STRADA: variants seen among roughly 807,000 people sequenced by gnomAD.
STRADA encodes STE20 related adaptor alpha, also known as STE20-related kinase adapter protein alpha.
A neutral mutation model predicts 55.0 loss-of-function variants in STRADA; 26 were observed. The ratio of observed to expected loss-of-function variants is 0.47; its 90% CI spans 0.35 to 0.66. The LOEUF (loss-of-function observed/expected upper bound fraction) is 0.66, where lower values mean the gene tolerates loss of function less well. Ranked by LOEUF, STRADA falls within the 30% of genes least tolerant of loss-of-function variation. The pLI is 0.01. For synonymous variants in STRADA, 197 were observed against 210.9 expected, an observed-to-expected ratio of 0.93 and a Z score of 0.57; for missense variants, 443 against 549.7, an observed-to-expected ratio of 0.81 and a Z score of 1.94.
chr17:63,720,331 T>C (rs1332044677), intron 4 of STRADA, among the ~76,000 whole-genome samples: 4 of 152,078 alleles, frequency 2.6e-5, no homozygotes, highest in Non-Finnish European at 5.9e-5. Context: ...TGCGCTACCA[T>C]GCCTGGCTAG....
intron 6 of STRADA, 72 bp from the exon 7 acceptor site, chr17:63,710,908 G>A: frequency 7.2e-7 from 1 of 1,392,750 alleles, no homozygotes; most frequent in Non-Finnish European, 1.0e-6. Context: ...AAAGATGGCA[G>A]CATGGACAAT....
intron 10 of STRADA, 164 bp downstream of exon 10, chr17:63,706,467 TAAAC>T (rs2036097714): frequency 3.3e-6 from 2 of 602,068 alleles, no homozygotes; most frequent in African/African-American, 3.7e-5. Context: ...CCACAGGAAG[TAAAC>T]AAAGAGTGAG....
Position 63,703,410 on chromosome 17 carries a change from C to T in STRADA, c.*189G>A. ...TGGTTGTTGAGATTCCCTTGTGTCT[C>T]AAAAGCCTTGGAGCAGTGAAGTGTC... On this transcript the variant is annotated 3_prime_UTR_variant, in exon 13 of 13. Coordinates refer to ENST00000336174, the MANE Select transcript of STRADA (RefSeq NM_001003787.4). 1 of 601,312 alleles carries T rather than the reference C, an allele frequency of 1.7e-6. No individual in the cohort carries two copies. The highest frequency in any genetic ancestry group is 2.9e-6 in the Non-Finnish European group (1 of 349,718). 37.2% of individuals were successfully genotyped at this position (601,312 alleles called of 1,614,324 possible).
intron 4 of STRADA, among the ~76,000 whole-genome samples, chr17:63,716,610 C>T (rs191095184): frequency 6.6e-6 from 1 of 152,122 alleles, no homozygotes; most frequent in African/African-American, 2.4e-5. Context: ...GCAGGATTTC[C>T]CCAAAGTAGG....
intron 1 of STRADA, chr17:63,737,536 T>C (rs751039886): frequency 1.3e-5 from 2 of 151,734 alleles, no homozygotes. Flanking sequence ...TGACAGAAGA[T>C]GGGAAATGGA....
upstream of STRADA, chr17:63,741,926 G>C (rs1273024905): frequency 2.0e-5 from 3 of 152,232 alleles, no homozygotes; most frequent in African/African-American, 7.2e-5. Context: ...CGCCCTTTCC[G>C]AGTGGCCGCG....
chr17:63,740,147 TACACACACACACACACACAC>T (rs57585655), intron 1 of STRADA, among the ~76,000 whole-genome samples: 2 of 67,010 alleles, frequency 3.0e-5, no homozygotes, highest in African/African-American at 1.4e-4. Context: ...TATATATATA[TACACACACACACACACACAC>T]ACACACACAC....
rs751121350 is a variant in STRADA, at chr17:63,728,341, C to T, written c.29G>A (p.Arg10Gln). The T allele has an allele frequency of 2.1e-5, 34 of 1,613,308 alleles. No homozygotes were observed. Among genetic ancestry groups the T allele is most frequent in the Non-Finnish European group, 2.9e-5 (34 of 1,179,768 alleles). The part of the protein sequence containing the change: MSFLVSKPE[R>Q]IRRWVSEKFI... ...GAATAGAAAAACACTCACCCTGATT[C>T]GCTCTGGTTTACTTACAAGAAATGA... is the stretch of plus-strand genomic sequence containing the variant. Residue 10 changes from arginine to glutamine, a missense_variant, in exon 2 of 13, where the codon CGA (arginine) becomes CAA (glutamine). By Grantham distance (43) the Arg-to-Gln change is conservative (BLOSUM62 1). Coordinates refer to ENST00000336174, the MANE Select transcript of STRADA (RefSeq NM_001003787.4).
intron 1 of STRADA, among the ~76,000 whole-genome samples, chr17:63,736,746 A>G (rs1276381246): frequency 6.6e-6 from 1 of 151,964 alleles, no homozygotes; most frequent in South Asian, 2.1e-4. Context: ...TGGCAGGTTG[A>G]AGAAAATATA....
chr17:63,706,573 AC>A, intron 10 of STRADA, 61 bp downstream of exon 10: 3 of 1,181,106 alleles, frequency 2.5e-6, no homozygotes, highest in Non-Finnish European at 2.5e-6. Flanking sequence ...TGTGAGAGCT[AC>A]TCAACGAACA....
At chr17:63,725,026 G>A (rs1000703126) in intron 3 of STRADA, among the ~76,000 whole-genome samples, 3 of 151,922 alleles carry the variant, frequency 2.0e-5, no homozygotes, top group African/African-American at 4.8e-5. Context: ...CTTGTGATCC[G>A]CCCGCCTGGG....
At chr17:63,719,951 T>G (rs938626977) in intron 4 of STRADA, among the ~76,000 whole-genome samples, 1 of 152,208 alleles carries the variant, frequency 6.6e-6, no homozygotes, top group Non-Finnish European at 1.5e-5. Context: ...ACAATATTTA[T>G]TTCTACTCTC....
At chr17:63,713,196 A>C (rs28418551) in intron 6 of STRADA, among the ~76,000 whole-genome samples, 2,299 of 152,280 alleles carry the variant, frequency 0.015, 61 homozygotes, top group African/African-American at 0.052. Context: ...AAAAGCCAGA[A>C]GGGAGTGTTT....
Position 63,703,384 on chromosome 17 carries a change from C to G in STRADA, c.*215G>C. ...TGTCGGCTTTGGACCCTCCTGATCC[C>G]TGGTTGTTGAGATTCCCTTGTGTCT... On this transcript the variant is annotated 3_prime_UTR_variant, in exon 13 of 13. Transcript: ENST00000336174. 3 of 542,610 alleles carry G rather than the reference C, an allele frequency of 5.5e-6. No homozygotes were observed. The highest frequency in any genetic ancestry group is 4.5e-5 in the South Asian group (2 of 44,788). The allele number at this position is 542,610 out of a possible 1,614,324, so 33.6% of individuals were successfully genotyped here.
At chr17:63,731,966 G>T (rs1008987828) in intron 1 of STRADA, among the ~76,000 whole-genome samples, 1 of 152,084 alleles carries the variant, frequency 6.6e-6, no homozygotes, top group African/African-American at 2.4e-5. Context: ...CCAGGTTCAC[G>T]CCATTCTCCT....
intron 1 of STRADA, among the ~76,000 whole-genome samples, chr17:63,732,194 G>A (rs528911011): frequency 9.9e-5 from 15 of 151,394 alleles, no homozygotes; most frequent in Non-Finnish European, 1.3e-4. Flanking sequence ...TAGTAGAGAC[G>A]GGGTTTTGCC....
intron 1 of STRADA, among the ~76,000 whole-genome samples, chr17:63,732,428 T>C (rs554112947): frequency 6.6e-6 from 1 of 151,510 alleles, no homozygotes; most frequent in Admixed American, 6.6e-5. Context: ...CAAGCAATCC[T>C]CCTACCTCAG....
At chr17:63,716,915 T>C (rs1225647088) in intron 4 of STRADA, among the ~76,000 whole-genome samples, 4 of 152,256 alleles carry the variant, frequency 2.6e-5, no homozygotes, top group Non-Finnish European at 5.9e-5. Context: ...ATGGGCCACA[T>C]AGAGGCAGAA....
Position 63,728,345 on chromosome 17 carries a change from C to T in STRADA, c.25G>A (p.Glu9Lys), listed in dbSNP as rs767097328. The T allele has an allele frequency of 1.2e-6, 2 of 1,613,492 alleles. No homozygotes were observed. Among genetic ancestry groups the T allele is most frequent in the Non-Finnish European group, 1.7e-6 (2 of 1,179,802 alleles). The change falls in exon 2 of 13, where the codon GAG becomes AAG. Residue 9 changes from glutamate (E) to lysine (K), a missense_variant. Glu to Lys is a moderately conservative substitution (Grantham distance 56, BLOSUM62 1). Coordinates refer to ENST00000336174, the MANE Select transcript of STRADA (RefSeq NM_001003787.4). ...AGAAAAACACTCACCCTGATTCGCTCTGGTTTACTTACAAGAAATGACATG... is the reference window on the plus strand; with the variant it reads ...AGAAAAACACTCACCCTGATTCGCTTTGGTTTACTTACAAGAAATGACATG... MSFLVSKP[E>K]RIRRWVSEKF...
Sources: allele counts gnomAD v4.1 joint callset (sites outside exome capture counted in the v4.1 genomes callset), GRCh38; gene constraint gnomAD v4.1.1; transcripts MANE v1.5; gene names NCBI Gene and HGNC (gene_info 2026-07-23, HGNC 2026-07-21).